The following STRBP variants were observed in gnomAD, a reference collection of about 807,000 sequenced individuals.
STRBP encodes the protein spermatid perinuclear RNA-binding protein.
In STRBP, 13 loss-of-function variants were observed where a neutral mutation model predicts 80.1. The observed-to-expected ratio is 0.16, with a 90% CI of 0.11 to 0.26. The LOEUF (loss-of-function observed/expected upper bound fraction) is 0.26, where lower values mean the gene tolerates loss of function less well. Among genes scored for constraint, STRBP ranks in the 10% least tolerant of loss-of-function variants. STRBP has a pLI of 1.00. For synonymous variants in STRBP, 284 were observed against 291.2 expected (o/e 0.98, Z 0.25); for missense variants, 485 against 815.2 (o/e 0.59, Z 4.93).
chr9:123,132,127 A>T (rs2036162838), intron 17 of STRBP, among the ~76,000 whole-genome samples: 1 of 152,322 alleles, frequency 6.6e-6, no homozygotes, highest in East Asian at 1.9e-4. Flanking sequence ...TCTTTAAGCT[A>T]TGTGGTGGAA....
rs2035759452 is a variant in STRBP, at chr9:123,122,396, A to C, written c.*3201T>G. The C allele has an allele frequency of 8.0e-7, 1 of 1,255,222 alleles. No homozygotes were observed. The highest frequency in any genetic ancestry group is 1.6e-5 in the African/African-American group (1 of 64,310). 77.8% of individuals were successfully genotyped at this position (1,255,222 alleles called of 1,614,324 possible). ...ACGAGGTATTCCCAGCTCTTCAATT[A>C]ATAATGGTGGCTGATTCATGATTTT... is the stretch of plus-strand genomic sequence containing the variant. On this transcript the variant is annotated 3_prime_UTR_variant, in exon 19 of 19. Transcript: ENST00000348403.
chr9:123,265,502 T>G (rs2041248030), intron 1 of STRBP, among the ~76,000 whole-genome samples: 1 of 152,184 alleles, frequency 6.6e-6, no homozygotes, highest in African/African-American at 2.4e-5. Context: ...CTTAGCAAAA[T>G]CTGACAAGAC....
chr9:123,250,908 A>C (rs2040899991), intron 1 of STRBP, among the ~76,000 whole-genome samples: 1 of 152,202 alleles, frequency 6.6e-6, no homozygotes, highest in Non-Finnish European at 1.5e-5. Flanking sequence ...GCTTGTAGCC[A>C]AGAGTTCAAG....
chr9:123,185,989 G>A (rs917941425), intron 2 of STRBP, among the ~76,000 whole-genome samples: 6 of 135,096 alleles, frequency 4.4e-5, no homozygotes, highest in African/African-American at 8.5e-5. Context: ...CCAAGATCAC[G>A]CCACTACACT....
At chr9:123,227,573 T>C (rs953322759) in intron 2 of STRBP, among the ~76,000 whole-genome samples, 1 of 146,826 alleles carries the variant, frequency 6.8e-6, no homozygotes, top group African/African-American at 2.5e-5. Flanking sequence ...TTTTCTTTTT[T>C]TTTTTTTTTT....
At chr9:123,251,061 G>A (rs926984318) in intron 1 of STRBP, among the ~76,000 whole-genome samples, 2 of 152,158 alleles carry the variant, frequency 1.3e-5, no homozygotes, top group Non-Finnish European at 2.9e-5. Context: ...CTAGGAGTTC[G>A]AGGCTGCAGT....
chr9:123,198,643 C>A (rs1248746293), intron 2 of STRBP, among the ~76,000 whole-genome samples: 1 of 152,024 alleles, frequency 6.6e-6, no homozygotes, highest in East Asian at 1.9e-4. Context: ...CATGTGCTTT[C>A]GGGGTCTTAG....
At chr9:123,226,619 G>A (rs927263525) in intron 2 of STRBP, among the ~76,000 whole-genome samples, 1 of 152,122 alleles carries the variant, frequency 6.6e-6, no homozygotes, top group Non-Finnish European at 1.5e-5. Context: ...CCCCACCTCT[G>A]CCATACAGCC....
rs925243203 is a variant in STRBP, at chr9:123,115,181, C to T, written c.*84+748G>A. ...TCGGGTCCCACAGCAAGGCCCTTCA[C>T]ACTCCCCAAGTGGGCACACTCTCTC... is the stretch of plus-strand genomic sequence containing the variant. On this transcript the variant is annotated intron_variant and NMD_transcript_variant, in intron 3 of 3. Transcript: ENST00000471564. The surrounding 1 kb of genome is among the most constrained non-coding windows in gnomAD (Gnocchi z 5.0). 1 of 470,412 alleles carries T rather than the reference C, an allele frequency of 2.1e-6. No individual in the cohort carries two copies. Among genetic ancestry groups the T allele is most frequent in the African/African-American group, 2.0e-5 (1 of 50,084 alleles). 29.1% of individuals were successfully genotyped at this position (470,412 alleles called of 1,614,324 possible).
chr9:123,237,318 T>C (rs1200825683), intron 1 of STRBP, among the ~76,000 whole-genome samples: 4 of 152,136 alleles, frequency 2.6e-5, no homozygotes, highest in Non-Finnish European at 5.9e-5. Flanking sequence ...GACAAGGCTC[T>C]CACCTTTACA....
chr9:123,241,846 G>A (rs1224029824), intron 1 of STRBP, among the ~76,000 whole-genome samples: 1 of 152,100 alleles, frequency 6.6e-6, no homozygotes, highest in Non-Finnish European at 1.5e-5. Context: ...CATTCCAGTG[G>A]CTTCTCATCA....
chr9:123,172,746 T>C (rs543178715), intron 5 of STRBP, among the ~76,000 whole-genome samples: 7 of 152,020 alleles, frequency 4.6e-5, no homozygotes, highest in African/African-American at 1.7e-4. Flanking sequence ...TGAAAGAAAA[T>C]GATCTAGTAA....
chr9:123,238,644 C>A (rs1055337842), intron 1 of STRBP, among the ~76,000 whole-genome samples: 1 of 152,136 alleles, frequency 6.6e-6, no homozygotes, highest in Non-Finnish European at 1.5e-5. Context: ...CCTAACATCC[C>A]ACGTATGCAA....
chr9:123,183,931 G>A (rs2038595317), intron 3 of STRBP, among the ~76,000 whole-genome samples: 1 of 152,154 alleles, frequency 6.6e-6, no homozygotes, highest in Non-Finnish European at 1.5e-5. Flanking sequence ...ACAGGCTCAT[G>A]AGGCCCTACC....
chr9:123,151,046 C>A (rs1192788019), intron 11 of STRBP, among the ~76,000 whole-genome samples: 4 of 152,154 alleles, frequency 2.6e-5, no homozygotes, highest in Non-Finnish European at 2.9e-5. Context: ...AAAAATCCAG[C>A]ACTCATAATA....
In STRBP at chr9:123,115,589, C is replaced by G. The variant is rs566746779; in HGVS notation, c.*84+340G>C. On this transcript the variant is annotated intron_variant and NMD_transcript_variant, in intron 3 of 3. Transcript: ENST00000471564. This position sits in a 1 kb window ranked among gnomAD's most constrained non-coding sequence, Gnocchi z 5.0. ...TCCAACTGCTCCTTCTCCCCCATCA[C>G]AGAGCCTGGTAAGAAGCAGTAGGTG... is the stretch of plus-strand genomic sequence containing the variant. 3 of 351,566 alleles carry G rather than the reference C, an allele frequency of 8.5e-6. No individual in the cohort carries two copies. The highest frequency in any genetic ancestry group is 7.6e-5 in the Admixed American group (2 of 26,222). 21.8% of individuals were successfully genotyped at this position (351,566 alleles called of 1,614,324 possible).
intron 2 of STRBP, among the ~76,000 whole-genome samples, chr9:123,230,155 G>C (rs958025534): frequency 1.3e-5 from 2 of 152,106 alleles, no homozygotes; most frequent in African/African-American, 4.8e-5. Flanking sequence ...AAAAGCAGTA[G>C]GATCAACAGA....
rs181368224 is a variant in STRBP, at chr9:123,197,654, G to A, written c.-164-13356C>T. Among the ~76,000 whole-genome samples the A allele has an allele frequency of 2.1e-5, 3 of 140,426 alleles. No homozygotes were observed. In the East Asian group the frequency reaches 6.6e-4, roughly 31 times the overall value. 92.1% of individuals were successfully genotyped at this position (140,426 alleles called of 152,430 possible). A position where few individuals can be genotyped will look rare whatever the true frequency, so the allele number is the denominator to read the frequency against. The stretch of plus-strand genomic sequence containing the variant: ...GGCCTCTAGCTCCATACAAGTTGCT[G>A]TGAAACATATTTCTTTTTTTTTTTT... On this transcript the variant is annotated intron_variant, in intron 2 of 18. Coordinates refer to ENST00000348403, the MANE Select transcript of STRBP (RefSeq NM_018387.5).
Position 123,158,041 on chromosome 9 carries a change from T to C in STRBP, c.1016A>G (p.Lys339Arg). The C allele has an allele frequency of 6.2e-7, 1 of 1,610,510 alleles. No homozygotes were observed. Residue 339 changes from lysine to arginine, a missense_variant, in exon 11 of 19, where the codon AAG (lysine) becomes AGG (arginine). Lys to Arg is a conservative substitution (Grantham distance 26, BLOSUM62 2). Coordinates refer to ENST00000348403, the MANE Select transcript of STRBP (RefSeq NM_018387.5). ...DPLPSSKPFQ[K>R]YSWSVTDKEG... ...TTTATCAGTAACTGACCAGGAATAC[T>C]TCTGAAAAGGCTTACTAGATGGAAG...
Sources: allele counts gnomAD v4.1 joint callset (sites outside exome capture counted in the v4.1 genomes callset), GRCh38; gene constraint gnomAD v4.1.1; non-coding constraint Gnocchi (gnomAD v3.1); transcripts MANE v1.5; gene names NCBI Gene and HGNC (gene_info 2026-07-23, HGNC 2026-07-21).